Variants in CCDC148 observed in about 807,000 individuals in gnomAD.
CCDC148 encodes the protein coiled-coil domain-containing protein 148.
CCDC148 carries 89 observed loss-of-function variants against 85.7 expected under a neutral mutation model. That is an observed-to-expected ratio of 1.04 (90% CI 0.87 to 1.24). The LOEUF (loss-of-function observed/expected upper bound fraction) is 1.24, where lower values mean the gene tolerates loss of function less well. Among genes scored for constraint, CCDC148 ranks in the 50% most tolerant of loss-of-function variants. The probability of loss-of-function intolerance (pLI) is 0.00; values close to 1 mark genes in which losing one functional copy is unlikely to be tolerated. For synonymous variants in CCDC148, 230 were observed against 213.9 expected, an observed-to-expected ratio of 1.08 and a Z score of -0.66; for missense variants, 692 against 671.7, an observed-to-expected ratio of 1.03 and a Z score of -0.33.
At chr2:158,212,298 T>C (rs1454414990) in intron 11 of CCDC148, among the ~76,000 whole-genome samples, 1 of 152,202 alleles carries the variant, frequency 6.6e-6, no homozygotes, top group Non-Finnish European at 1.5e-5. Context: ...ATGACAAATG[T>C]TTGTAAAAAT....
intron 1 of CCDC148, among the ~76,000 whole-genome samples, chr2:158,378,394 T>C (rs979540409): frequency 1.3e-5 from 2 of 152,084 alleles, no homozygotes; most frequent in African/African-American, 4.8e-5. Context: ...TTAAGGAAGG[T>C]TGCTGTATTC....
intron 1 of CCDC148, among the ~76,000 whole-genome samples, chr2:158,432,215 T>TA (rs983894069): frequency 6.1e-5 from 9 of 147,088 alleles, no homozygotes; most frequent in African/African-American, 1.8e-4. Context: ...CAAAGAAAAT[T>TA]AAAAAAAAGA....
In CCDC148 at chr2:158,351,540, C is replaced by A. The variant is rs142662679; in HGVS notation, c.148-6222G>T. On this transcript the variant is annotated intron_variant, in intron 2 of 13. Transcript: ENST00000283233. ...GACCGGCTTAAAAACCGGCGCATCACGAGATTATATCCCGCACCTGGCTTG... is the reference window on the plus strand; with the variant it reads ...GACCGGCTTAAAAACCGGCGCATCAAGAGATTATATCCCGCACCTGGCTTG... 3.0e-3 allele frequency among the ~76,000 whole-genome samples: 453 copies of A among 152,258 alleles called. 1 individual carries two copies. The highest frequency in any genetic ancestry group is 9.8e-3 in the African/African-American group (407 of 41,556).
chr2:158,348,933 G>T (rs867954629), intron 2 of CCDC148, among the ~76,000 whole-genome samples: 1 of 152,034 alleles, frequency 6.6e-6, no homozygotes. Flanking sequence ...TACTGGGAAT[G>T]TACAGTTACA....
chr2:158,285,064 GA>G (rs751679495), intron 9 of CCDC148, among the ~76,000 whole-genome samples: 7 of 152,126 alleles, frequency 4.6e-5, no homozygotes, highest in Non-Finnish European at 1.0e-4. Flanking sequence ...AAGGTGGGTG[GA>G]TCACCTGAGG....
At chr2:158,179,394 T>A (rs1440561005) in intron 11 of CCDC148, among the ~76,000 whole-genome samples, 1 of 152,018 alleles carries the variant, frequency 6.6e-6, no homozygotes, top group Non-Finnish European at 1.5e-5. Context: ...CCTGACCTCG[T>A]GATCCGCCTG....
intron 9 of CCDC148, among the ~76,000 whole-genome samples, chr2:158,265,715 C>G (rs1441223913): frequency 6.6e-6 from 1 of 152,132 alleles, no homozygotes; most frequent in Non-Finnish European, 1.5e-5. Context: ...AATGTGCTCA[C>G]AGCTCCCAAA....
At chr2:158,348,024 G>A (rs1683080915) in intron 2 of CCDC148, among the ~76,000 whole-genome samples, 1 of 151,992 alleles carries the variant, frequency 6.6e-6, no homozygotes, top group Non-Finnish European at 1.5e-5. Flanking sequence ...ATTGCTAGTG[G>A]GAATACAAAG....
intron 7 of CCDC148, among the ~76,000 whole-genome samples, chr2:158,333,975 G>C (rs1693289548): frequency 6.6e-6 from 1 of 152,074 alleles, no homozygotes; most frequent in South Asian, 2.1e-4. Context: ...ATAATTTGCT[G>C]GGATTTTGAC....
chr2:158,226,483 C>G (rs1687533859), intron 10 of CCDC148, among the ~76,000 whole-genome samples: 1 of 152,110 alleles, frequency 6.6e-6, no homozygotes, highest in Admixed American at 6.6e-5. Context: ...GATTCCAAAG[C>G]CTGCCAGAGA....
At chr2:158,240,784 T>C (rs1688321645) in intron 10 of CCDC148, among the ~76,000 whole-genome samples, 1 of 152,110 alleles carries the variant, frequency 6.6e-6, no homozygotes, top group Non-Finnish European at 1.5e-5. Flanking sequence ...CTGCAATTCC[T>C]ACAGTACACA....
intron 1 of CCDC148, among the ~76,000 whole-genome samples, chr2:158,367,214 A>G (rs940065217): frequency 1.3e-5 from 2 of 152,112 alleles, no homozygotes; most frequent in African/African-American, 4.8e-5. Context: ...AATCAAATAT[A>G]CCTTTTTCCT....
At position 158,309,469 on chromosome 2, in the gene CCDC148, T is replaced by C. The variant is rs750144246; in HGVS notation, c.1074A>G (p.Lys358=). 4.9e-5 allele frequency: 79 copies of C among 1,614,080 alleles called. No individual in the cohort carries two copies. Among genetic ancestry groups the C allele is most frequent in the Non-Finnish European group, 6.3e-5 (74 of 1,180,028 alleles). The change falls in exon 9 of 14, where the codon AAA becomes AAG. Residue 358 remains lysine (K), a synonymous_variant. Coordinates refer to ENST00000283233, the MANE Select transcript of CCDC148 (RefSeq NM_138803.4). ...EMESMLAKDK[K]KQQELCADLK... ...GATCAGCACACAATTCCTGTTGCTT[T>C]TTCTTGTCCTTAGCCAACATGCTCT...
At chr2:158,194,935 T>C (rs1264462593) in intron 11 of CCDC148, among the ~76,000 whole-genome samples, 1 of 152,018 alleles carries the variant, frequency 6.6e-6, no homozygotes, top group Non-Finnish European at 1.5e-5. Context: ...CCCCTGATAA[T>C]TGTGCATGTC....
intron 10 of CCDC148, among the ~76,000 whole-genome samples, chr2:158,222,460 C>G (rs10176815): frequency 0.024 from 3,580 of 149,152 alleles, 125 homozygotes; most frequent in African/African-American, 0.078. Flanking sequence ...TGCTCTCTCC[C>G]TCTCTCTCTT....
intron 1 of CCDC148, chr2:158,447,331 T>C (rs1688202373): frequency 6.6e-6 from 1 of 152,140 alleles, no homozygotes; most frequent in Non-Finnish European, 1.5e-5. Context: ...GAAGTCACCA[T>C]ATTGATGCAT....
intron 9 of CCDC148, among the ~76,000 whole-genome samples, chr2:158,282,449 T>C (rs1690371646): frequency 6.6e-6 from 1 of 152,176 alleles, no homozygotes; most frequent in African/African-American, 2.4e-5. Context: ...ACAAAATCAA[T>C]GTACAAAAAT....
intron 1 of CCDC148, among the ~76,000 whole-genome samples, chr2:158,444,361 T>C (rs36106318): frequency 0.015 from 2,317 of 152,312 alleles, 28 homozygotes; most frequent in Middle Eastern, 0.044. Flanking sequence ...CCTCTAGTCC[T>C]AAAATTCTAT....
At chr2:158,333,486 A>C (rs1484429366) in intron 7 of CCDC148, among the ~76,000 whole-genome samples, 1 of 152,130 alleles carries the variant, frequency 6.6e-6, no homozygotes, top group Non-Finnish European at 1.5e-5. Context: ...AAGAGAACGC[A>C]TATTTTGTTG....
Sources: allele counts gnomAD v4.1 joint callset (sites outside exome capture counted in the v4.1 genomes callset), GRCh38; gene constraint gnomAD v4.1.1; transcripts MANE v1.5; gene names NCBI Gene and HGNC (gene_info 2026-07-23, HGNC 2026-07-21).